ASXL2: variants seen among roughly 807,000 people sequenced by gnomAD.
ASXL2 encodes the protein ASXL transcriptional regulator 2, also known as putative Polycomb group protein ASXL2.
In ASXL2, 23 loss-of-function variants were observed where a neutral mutation model predicts 122.0. The ratio of observed to expected loss-of-function variants is 0.19; its 90% confidence interval spans 0.14 to 0.27. The LOEUF is 0.27. Among genes scored for constraint, ASXL2 ranks in the 10% least tolerant of loss-of-function variants. The pLI, the probability that ASXL2 is intolerant of heterozygous loss-of-function variation, is 1.00. For synonymous variants in ASXL2, 650 were observed against 637.0 expected (o/e 1.02, Z -0.31); for missense variants, 1,518 against 1,713.8 (o/e 0.89, Z 2.02).
chr2:25,771,172 G>A (rs917768916), intron 6 of ASXL2, among the ~76,000 whole-genome samples: 9 of 152,200 alleles, frequency 5.9e-5, no homozygotes, highest in East Asian at 1.9e-4. Flanking sequence ...GGAAGCAGAC[G>A]TTGCAGTGAG....
Position 25,734,167 on chromosome 2 carries a change from G to GA in ASXL2, c.*7861dup, listed in dbSNP as rs2087695760. 1 of 151,398 alleles carries GA rather than the reference G, an allele frequency of 6.6e-6. No homozygotes were observed. The highest frequency in any genetic ancestry group is 2.4e-5 in the African/African-American group (1 of 41,120). The allele number at this position is 151,398 out of a possible 1,614,324, so 9.4% of individuals were successfully genotyped here. Reference sequence around the variant, plus strand: ...TTCTCTAGATCTTTCATGGATTCTAGAAATTTTGTGAATTCTCTGAGAACT... The same window carrying GA: ...TTCTCTAGATCTTTCATGGATTCTAGAAAATTTTGTGAATTCTCTGAGAACT... On this transcript the variant is annotated 3_prime_UTR_variant, in exon 13 of 13. Coordinates refer to ENST00000435504, the MANE Select transcript of ASXL2 (RefSeq NM_018263.6).
chr2:25,802,853 G>T (rs1440738880), intron 4 of ASXL2, among the ~76,000 whole-genome samples: 1 of 152,156 alleles, frequency 6.6e-6, no homozygotes, highest in Non-Finnish European at 1.5e-5. Context: ...GATCACGGCT[G>T]GGTGCGGTGG....
intron 2 of ASXL2, among the ~76,000 whole-genome samples, chr2:25,836,038 T>C (rs183885358): frequency 9.8e-5 from 15 of 152,308 alleles, no homozygotes; most frequent in Non-Finnish European, 1.9e-4. Context: ...TTGTCATTTT[T>C]TTCATTACTA....
At chr2:25,795,211 A>T (rs1225632989) in intron 5 of ASXL2, among the ~76,000 whole-genome samples, 1 of 152,236 alleles carries the variant, frequency 6.6e-6, no homozygotes, top group African/African-American at 2.4e-5. Flanking sequence ...ACCAGAAAAG[A>T]GCTTTATAGA....
intron 3 of ASXL2, among the ~76,000 whole-genome samples, chr2:25,823,732 T>C (rs1460656755): frequency 1.3e-5 from 2 of 151,980 alleles, no homozygotes; most frequent in East Asian, 1.9e-4. Context: ...TTCTTTCTTT[T>C]TTTTTTTTTC....
chr2:25,805,312 T>C (rs1342522662), intron 4 of ASXL2, among the ~76,000 whole-genome samples: 1 of 152,202 alleles, frequency 6.6e-6, no homozygotes, highest in East Asian at 1.9e-4. Flanking sequence ...ACAATTATTA[T>C]ACAAATGTTG....
At chr2:25,849,218 A>G (rs2089688854) in intron 1 of ASXL2, among the ~76,000 whole-genome samples, 1 of 150,594 alleles carries the variant, frequency 6.6e-6, no homozygotes, top group African/African-American at 2.4e-5. Flanking sequence ...AAGGCAGATC[A>G]CTTGAGGCCA....
At chr2:25,839,788 T>C (rs2089556025) in intron 2 of ASXL2, among the ~76,000 whole-genome samples, 1 of 151,756 alleles carries the variant, frequency 6.6e-6, no homozygotes, top group Non-Finnish European at 1.5e-5. Flanking sequence ...CCTCTGACAC[T>C]TCCTGAGGTG....
rs2090027372 is a variant in ASXL2, at chr2:25,878,279, G to A, written c.-57C>T. ...TGTCCGGGCTCCGGCCGCCCTCCCT[G>A]CCTGCTCTGCCCTGCGCTGCTTTTC... On this transcript the variant is annotated 5_prime_UTR_variant, in exon 1 of 13. Coordinates refer to ENST00000435504, the MANE Select transcript of ASXL2 (RefSeq NM_018263.6). 1.9e-6 allele frequency: 3 copies of A among 1,576,826 alleles called. No homozygotes were observed. The highest frequency in any genetic ancestry group is 2.6e-6 in the Non-Finnish European group (3 of 1,147,342).
At chr2:25,779,139 G>C (rs2088593098) in intron 5 of ASXL2, among the ~76,000 whole-genome samples, 1 of 138,958 alleles carries the variant, frequency 7.2e-6, no homozygotes, top group Non-Finnish European at 1.5e-5. Flanking sequence ...GCTCAGGCTG[G>C]AGTGCAGTGG....
At chr2:25,817,959 T>C (rs1172672251) in intron 3 of ASXL2, among the ~76,000 whole-genome samples, 1 of 152,216 alleles carries the variant, frequency 6.6e-6, no homozygotes, top group Non-Finnish European at 1.5e-5. Flanking sequence ...TTAGATCATA[T>C]CACCAAAACT....
intron 5 of ASXL2, among the ~76,000 whole-genome samples, chr2:25,771,942 A>G (rs1043207292): frequency 6.6e-6 from 1 of 152,222 alleles, no homozygotes; most frequent in Non-Finnish European, 1.5e-5. Flanking sequence ...AAATAAAGAC[A>G]TTAAGGCCAT....
chr2:25,791,169 T>C (rs994533466), intron 5 of ASXL2, among the ~76,000 whole-genome samples: 3 of 151,918 alleles, frequency 2.0e-5, no homozygotes, highest in African/African-American at 7.3e-5. Context: ...CCATTCTCTC[T>C]CTTATCTATA....
At chr2:25,847,045 A>G (rs1309925375) in intron 1 of ASXL2, among the ~76,000 whole-genome samples, 6 of 152,224 alleles carry the variant, frequency 3.9e-5, no homozygotes, top group Non-Finnish European at 8.8e-5. Context: ...TATTTCATGT[A>G]TGTTTTATTT....
chr2:25,759,345 TCCTAAGC>T, intron 9 of ASXL2, 130 bp downstream of exon 9: 3 of 863,676 alleles, frequency 3.5e-6, no homozygotes, highest in Non-Finnish European at 3.4e-6. Context: ...AATTTTTTTT[TCCTAAGC>T]CTTAAAAAAA....
chr2:25,838,869 T>C (rs1011983927), intron 2 of ASXL2, among the ~76,000 whole-genome samples: 1 of 152,200 alleles, frequency 6.6e-6, no homozygotes, highest in African/African-American at 2.4e-5. Context: ...AATGGACACA[T>C]CTCTCTGAAT....
At chr2:25,860,799 C>CAAGTGATCATGAGA (rs2089836431) in intron 1 of ASXL2, among the ~76,000 whole-genome samples, 2 of 151,294 alleles carry the variant, frequency 1.3e-5, no homozygotes, top group Non-Finnish European at 1.5e-5. Context: ...ATCACTTGAG[C>CAAGTGATCATGAGA]TCAGGAGTTC....
chr2:25,775,142 T>TC (rs2088525365), intron 5 of ASXL2, among the ~76,000 whole-genome samples: 2 of 151,978 alleles, frequency 1.3e-5, no homozygotes. Flanking sequence ...TTTTTGTTTT[T>TC]TTGAGATGGA....
At position 25,743,453 on chromosome 2, in the gene ASXL2, C is replaced by T; in HGVS notation, c.2884G>A (p.Val962Ile). The change falls in exon 13 of 13, where the codon GTT (valine) becomes ATT (isoleucine). Residue 962 changes from valine to isoleucine, a missense_variant. Physicochemically the swap from Val to Ile is conservative, Grantham distance 29. This residue lies in a region of ASXL2 where 831 missense variants were observed against 833.1 expected (regional missense o/e 1.00). Coordinates refer to ENST00000435504, the MANE Select transcript of ASXL2 (RefSeq NM_018263.6). Reference protein sequence around the residue: ...LVTQLLQGKDVPMEQILPKPL... With the variant: ...LVTQLLQGKDIPMEQILPKPL... ...TTAGGCAGAATTTGCTCCATGGGAA[C>T]ATCTTTGCCTTGAAGCAGCTGAGTC... The T allele has an allele frequency of 6.2e-7, 1 of 1,613,844 alleles. No individual in the cohort carries two copies. The highest frequency in any genetic ancestry group is 8.5e-7 in the Non-Finnish European group (1 of 1,179,896).
Sources: gnomAD v4.1 joint callset for allele counts (sites outside exome capture counted in the v4.1 genomes callset) on GRCh38, gnomAD v4.1.1 for gene constraint, gnomAD v4.1.1 regional missense constraint, MANE v1.5 for transcripts, NCBI Gene and HGNC (gene_info 2026-07-23, HGNC 2026-07-21) for gene names.